The following CALN1 variants were observed in gnomAD, a reference collection of about 807,000 sequenced individuals.
The protein encoded by CALN1 is calcium-binding protein 8.
Under a neutral mutation model 30.6 loss-of-function variants are expected in CALN1, and 17 were observed. The observed-to-expected ratio is 0.56, with a 90% confidence interval of 0.38 to 0.83. The LOEUF (loss-of-function observed/expected upper bound fraction) is 0.83, where lower values mean the gene tolerates loss of function less well. Ranked by LOEUF, CALN1 falls within the 40% of genes least tolerant of loss-of-function variation. The pLI, the probability that CALN1 is intolerant of heterozygous loss-of-function variation, is 0.00. For synonymous variants in CALN1, 156 were observed against 131.4 expected (o/e 1.19, Z -1.28); for missense variants, 291 against 354.9 (o/e 0.82, Z 1.45).
At chr7:71,925,373 T>C (rs905671462) in intron 5 of CALN1, among the ~76,000 whole-genome samples, 1 of 152,180 alleles carries the variant, frequency 6.6e-6, no homozygotes, top group Admixed American at 6.5e-5. Context: ...TTTATGAAGA[T>C]GTTAAGTTTC....
chr7:72,383,501 T>C (rs914046171), intron 2 of CALN1, among the ~76,000 whole-genome samples: 1 of 152,174 alleles, frequency 6.6e-6, no homozygotes, highest in Non-Finnish European at 1.5e-5. Context: ...TGGTTAGTGA[T>C]GTGGAGCATT....
intron 2 of CALN1, among the ~76,000 whole-genome samples, chr7:72,364,668 T>A (rs1803775664): frequency 6.6e-6 from 1 of 152,206 alleles, no homozygotes; most frequent in Non-Finnish European, 1.5e-5. Flanking sequence ...ATTGATAAAG[T>A]GTATTTCAAA....
the CALN1 span, among the ~76,000 whole-genome samples, chr7:72,462,578 G>C: frequency 6.6e-6 from 1 of 152,164 alleles, no homozygotes; most frequent in Non-Finnish European, 1.5e-5. Context: ...CAATACTGTC[G>C]AGGAGGTCGC....
intron 3 of CALN1, among the ~76,000 whole-genome samples, chr7:72,158,669 G>T (rs1787891533): frequency 1.3e-5 from 2 of 152,146 alleles, no homozygotes; most frequent in Non-Finnish European, 2.9e-5. Context: ...TTCTTTGCTT[G>T]ATGTGTATCT....
chr7:72,203,928 A>G (rs1791617731), intron 3 of CALN1, among the ~76,000 whole-genome samples: 1 of 149,524 alleles, frequency 6.7e-6, no homozygotes, highest in Non-Finnish European at 1.5e-5. Context: ...TACCTTTCAT[A>G]ATGTTCTTGC....
chr7:72,057,963 G>C (rs1803376896), intron 4 of CALN1, among the ~76,000 whole-genome samples: 1 of 152,190 alleles, frequency 6.6e-6, no homozygotes, highest in African/African-American at 2.4e-5. Context: ...AATTTCCTCT[G>C]TGGAACACGT....
intron 1 of CALN1, among the ~76,000 whole-genome samples, chr7:72,403,996 C>A (rs892669036): frequency 6.6e-6 from 1 of 152,176 alleles, no homozygotes; most frequent in Non-Finnish European, 1.5e-5. Flanking sequence ...ATCCCATTAC[C>A]AGCTCCAGGG....
intron 1 of CALN1, among the ~76,000 whole-genome samples, chr7:72,436,651 G>T (rs1808167786): frequency 6.6e-6 from 1 of 152,068 alleles, no homozygotes. Context: ...GAAGATGCTT[G>T]CTTCTAGGGG....
At chr7:71,994,378 G>T (rs2129528087) in intron 5 of CALN1, among the ~76,000 whole-genome samples, 1 of 152,152 alleles carries the variant, frequency 6.6e-6, no homozygotes, top group East Asian at 1.9e-4. Context: ...TGGGCATGGT[G>T]GTGGGTACCT....
At chr7:72,271,592 A>ATATATATATATATATATATATATATATC in intron 3 of CALN1, among the ~76,000 whole-genome samples, 1 of 124,002 alleles carries the variant, frequency 8.1e-6, no homozygotes, top group Non-Finnish European at 1.6e-5. Flanking sequence ...ATATATATAT[A>ATATATATATATATATATATATATATATC]TAGTTTTCAG....
At chr7:71,927,085 T>C (rs533653104) in intron 5 of CALN1, among the ~76,000 whole-genome samples, 47 of 152,322 alleles carry the variant, frequency 3.1e-4, no homozygotes, top group African/African-American at 1.1e-3. Context: ...GGTATGATAG[T>C]AGAGAATAAA....
intron 5 of CALN1, among the ~76,000 whole-genome samples, chr7:71,945,154 T>C (rs967768712): frequency 6.0e-5 from 9 of 149,916 alleles, no homozygotes; most frequent in African/African-American, 1.3e-4. Context: ...TCTCTCACCA[T>C]GTGATGTACC....
chr7:71,948,851 G>T (rs1004107337), intron 5 of CALN1, among the ~76,000 whole-genome samples: 4 of 151,456 alleles, frequency 2.6e-5, no homozygotes, highest in African/African-American at 9.7e-5. Flanking sequence ...ACACCAGCCT[G>T]GGCAACATAG....
At chr7:72,028,637 G>A (rs754451186) in intron 4 of CALN1, among the ~76,000 whole-genome samples, 9 of 152,200 alleles carry the variant, frequency 5.9e-5, no homozygotes, top group Non-Finnish European at 8.8e-5. Flanking sequence ...AGGAGAGGAC[G>A]TTTGGAATTC....
chr7:72,244,604 G>GA (rs1220942807), intron 3 of CALN1, among the ~76,000 whole-genome samples: 1 of 150,706 alleles, frequency 6.6e-6, no homozygotes. Flanking sequence ...TGAAGAGAAT[G>GA]AATTTCATCT....
chr7:72,449,047 C>G (rs1240502912), upstream of CALN1, among the ~76,000 whole-genome samples: 1 of 152,078 alleles, frequency 6.6e-6, no homozygotes, highest in Admixed American at 6.6e-5. Flanking sequence ...GCTGTAGTGT[C>G]AGAGTGAACC....
chr7:71,846,053 CA>C (rs937734117), intron 5 of CALN1, among the ~76,000 whole-genome samples: 1 of 151,722 alleles, frequency 6.6e-6, no homozygotes, highest in Non-Finnish European at 1.5e-5. Flanking sequence ...ACTCGGTCTC[CA>C]AAAAAATAAA....
At chr7:72,036,345 T>A (rs1447474973) in intron 4 of CALN1, among the ~76,000 whole-genome samples, 1 of 152,206 alleles carries the variant, frequency 6.6e-6, no homozygotes, top group Non-Finnish European at 1.5e-5. Context: ...CTTACCTGGA[T>A]ATTGTCAATC....
At chr7:72,452,510 C>T in the CALN1 span, among the ~76,000 whole-genome samples, 12 of 152,150 alleles carry the variant, frequency 7.9e-5, no homozygotes, top group African/African-American at 2.9e-4. Context: ...TCCTGACTCT[C>T]ACCACGTGAT....
Sources: gnomAD v4.1 joint callset for allele counts (sites outside exome capture counted in the v4.1 genomes callset) on GRCh38, gnomAD v4.1.1 for gene constraint, MANE v1.5 for transcripts, NCBI Gene and HGNC (gene_info 2026-07-23, HGNC 2026-07-21) for gene names.